The following SGCZ variants were observed in gnomAD, a reference collection of about 807,000 sequenced individuals.
SGCZ encodes the protein zeta-sarcoglycan.
In SGCZ, 40 loss-of-function variants were observed where a neutral mutation model predicts 41.3. The observed-to-expected ratio is 0.97, with a 90% CI of 0.75 to 1.26. The LOEUF is 1.26. Among genes scored for constraint, SGCZ ranks in the 50% most tolerant of loss-of-function variants. SGCZ has a pLI of 0.00. For synonymous variants in SGCZ, 206 were observed against 137.5 expected (o/e 1.50, Z -3.49); for missense variants, 552 against 369.8 (o/e 1.49, Z -4.04).
At chr8:14,226,092 T>C (rs1806363253) in intron 4 of SGCZ, among the ~76,000 whole-genome samples, 2 of 152,032 alleles carry the variant, frequency 1.3e-5, no homozygotes, top group South Asian at 4.1e-4. Context: ...AGCAGGGTTA[T>C]AAAAACCCAG....
chr8:14,234,790 G>C (rs1157427129), intron 4 of SGCZ, among the ~76,000 whole-genome samples: 3 of 152,220 alleles, frequency 2.0e-5, no homozygotes, highest in African/African-American at 7.2e-5. Context: ...ATTCAAGTAT[G>C]TCTTCAAACT....
chr8:14,765,965 G>GACTTT, intron 1 of SGCZ, among the ~76,000 whole-genome samples: 1 of 123,426 alleles, frequency 8.1e-6, no homozygotes, highest in Non-Finnish European at 1.8e-5. Context: ...GCATATGATA[G>GACTTT]TCTTTTTTTT....
chr8:14,878,133 T>C (rs1432797492), intron 1 of SGCZ, among the ~76,000 whole-genome samples: 1 of 151,958 alleles, frequency 6.6e-6, no homozygotes. Context: ...TTTAAGCACT[T>C]AAGAAGTAGA....
chr8:14,356,711 C>T (rs546980397), intron 2 of SGCZ, among the ~76,000 whole-genome samples: 275 of 151,914 alleles, frequency 1.8e-3, no homozygotes, highest in African/African-American at 6.4e-3. Flanking sequence ...AAAAATTAAA[C>T]CTATTTGATT....
At chr8:14,396,130 C>T (rs896373459) in intron 2 of SGCZ, among the ~76,000 whole-genome samples, 2 of 152,086 alleles carry the variant, frequency 1.3e-5, no homozygotes, top group African/African-American at 4.8e-5. Flanking sequence ...TGTTCTCATA[C>T]CTTGTCAGTA....
intron 1 of SGCZ, among the ~76,000 whole-genome samples, chr8:15,174,989 C>G (rs139797239): frequency 5.3e-4 from 81 of 152,122 alleles, no homozygotes; most frequent in African/African-American, 1.9e-3. Flanking sequence ...GGACAAACAC[C>G]TAATGCACGT....
At chr8:14,110,201 A>G (rs1802330326) in intron 5 of SGCZ, among the ~76,000 whole-genome samples, 1 of 152,096 alleles carries the variant, frequency 6.6e-6, no homozygotes, top group East Asian at 1.9e-4. Context: ...CAAGATATAC[A>G]TTTGTATATC....
chr8:14,398,121 C>A (rs1405221870), intron 2 of SGCZ, among the ~76,000 whole-genome samples: 1 of 152,048 alleles, frequency 6.6e-6, no homozygotes, highest in Non-Finnish European at 1.5e-5. Flanking sequence ...CTAGATTTTC[C>A]CTGTCTGGAA....
chr8:15,043,595 T>G (rs901092250), intron 1 of SGCZ, among the ~76,000 whole-genome samples: 1 of 152,050 alleles, frequency 6.6e-6, no homozygotes, highest in Admixed American at 6.6e-5. Flanking sequence ...CTTGTGAAAA[T>G]AGTATAAAAT....
At chr8:14,716,554 A>T (rs923431374) in intron 1 of SGCZ, among the ~76,000 whole-genome samples, 1 of 152,070 alleles carries the variant, frequency 6.6e-6, no homozygotes, top group African/African-American at 2.4e-5. Context: ...TGACATAGAA[A>T]ACTAAAACAT....
chr8:14,094,436 A>G (rs1038209628), intron 7 of SGCZ, among the ~76,000 whole-genome samples: 7 of 152,012 alleles, frequency 4.6e-5, no homozygotes, highest in Non-Finnish European at 7.4e-5. Context: ...GGTTTCCAGC[A>G]TCATCCATGT....
At chr8:15,009,648 G>C (rs548099582) in intron 1 of SGCZ, among the ~76,000 whole-genome samples, 1 of 152,108 alleles carries the variant, frequency 6.6e-6, no homozygotes, top group Non-Finnish European at 1.5e-5. Context: ...ATGATATCGA[G>C]AATAAGTCCT....
intron 1 of SGCZ, among the ~76,000 whole-genome samples, chr8:15,116,560 C>T (rs1302066104): frequency 6.6e-6 from 1 of 152,142 alleles, no homozygotes; most frequent in Non-Finnish European, 1.5e-5. Context: ...AAACCTCATC[C>T]AATTATTGCT....
At chr8:15,092,506 G>C (rs1166187605) in intron 1 of SGCZ, among the ~76,000 whole-genome samples, 3 of 152,144 alleles carry the variant, frequency 2.0e-5, no homozygotes, top group African/African-American at 7.2e-5. Context: ...AGTGATGGGA[G>C]AAAATTTCTC....
intron 1 of SGCZ, among the ~76,000 whole-genome samples, chr8:14,926,113 G>C (rs1363540582): frequency 1.3e-5 from 2 of 152,040 alleles, no homozygotes; most frequent in Non-Finnish European, 2.9e-5. Context: ...GAAGAACACA[G>C]GTCATTAAAC....
intron 1 of SGCZ, among the ~76,000 whole-genome samples, chr8:14,759,909 A>T (rs2130350495): frequency 6.6e-6 from 1 of 152,336 alleles, no homozygotes; most frequent in South Asian, 2.1e-4. Flanking sequence ...CACTGCCATT[A>T]CTAAAACTTG....
chr8:14,742,791 A>G (rs1260555743), intron 1 of SGCZ, among the ~76,000 whole-genome samples: 1 of 152,106 alleles, frequency 6.6e-6, no homozygotes, highest in Non-Finnish European at 1.5e-5. Flanking sequence ...AGAAGCATTT[A>G]CATTTCAGCT....
chr8:14,751,232 G>C (rs1187576231), intron 1 of SGCZ, among the ~76,000 whole-genome samples: 1 of 152,122 alleles, frequency 6.6e-6, no homozygotes, highest in African/African-American at 2.4e-5. Flanking sequence ...CAGTCTCTCT[G>C]ACCAGTTTAA....
intron 4 of SGCZ, among the ~76,000 whole-genome samples, chr8:14,177,958 C>CCTTT (rs1554472807): frequency 2.1e-5 from 2 of 95,050 alleles, no homozygotes; most frequent in Admixed American, 1.3e-4. Flanking sequence ...CTTTTTTTTT[C>CCTTT]TTTTTTTTTT....
Sources: gnomAD v4.1 joint callset for allele counts (sites outside exome capture counted in the v4.1 genomes callset) on GRCh38, gnomAD v4.1.1 for gene constraint, MANE v1.5 for transcripts, NCBI Gene and HGNC (gene_info 2026-07-23, HGNC 2026-07-21) for gene names.